Variants in TIMM44 observed in about 807,000 individuals in gnomAD.
TIMM44 encodes mitochondrial import inner membrane translocase subunit TIM44.
Under a neutral mutation model 63.8 loss-of-function variants are expected in TIMM44, and 37 were observed. The ratio of observed to expected loss-of-function variants is 0.58; its 90% confidence interval spans 0.45 to 0.76. TIMM44 has a LOEUF of 0.76. Ranked by LOEUF, TIMM44 falls within the 30% of genes least tolerant of loss-of-function variation. The probability of loss-of-function intolerance (pLI) is 0.00; values close to 1 mark genes in which losing one functional copy is unlikely to be tolerated. For synonymous variants in TIMM44, 239 were observed against 245.1 expected, an observed-to-expected ratio of 0.98 and a Z score of 0.23; for missense variants, 573 against 603.8, an observed-to-expected ratio of 0.95 and a Z score of 0.54.
intron 10 of TIMM44, among the ~76,000 whole-genome samples, chr19:7,929,856 T>C (rs1423457803): frequency 6.6e-6 from 1 of 152,184 alleles, no homozygotes; most frequent in East Asian, 1.9e-4. Flanking sequence ...TAAATTATTA[T>C]TTCTTTTTTT....
chr19:7,941,917 T>C (rs1028423053), intron 1 of TIMM44, among the ~76,000 whole-genome samples: 5 of 152,202 alleles, frequency 3.3e-5, no homozygotes, highest in African/African-American at 9.6e-5. Context: ...ACTGGATTTT[T>C]CAGACACAAA....
Position 7,934,167 on chromosome 19 carries a change from C to G in TIMM44, c.465G>C (p.Thr155=). ...ATACCGACTCGGCCGACTGCTTGGC[C>G]GTCTTGGCTGCTTCCTCCACGCCCT... ...IKEGVEEAAK[T]AKQSAESVSK... The change falls in exon 5 of 13, where the codon ACG becomes ACC. Residue 155 remains threonine, a synonymous_variant. Transcript: ENST00000270538. This position sits in a 1 kb window ranked among gnomAD's most constrained non-coding sequence, Gnocchi z 5.3. The G allele has an allele frequency of 6.2e-7, 1 of 1,613,622 alleles. No homozygotes were observed. Among genetic ancestry groups the G allele is most frequent in the Non-Finnish European group, 8.5e-7 (1 of 1,179,996 alleles).
intron 9 of TIMM44, chr19:7,932,363 C>T: frequency 1.9e-6 from 1 of 538,936 alleles, no homozygotes; most frequent in Non-Finnish European, 3.3e-6. Flanking sequence ...TCCCAGCAAC[C>T]TCAAAGGAAC....
intron 3 of TIMM44, among the ~76,000 whole-genome samples, chr19:7,935,544 C>G (rs1984128646): frequency 6.6e-6 from 1 of 152,226 alleles, no homozygotes; most frequent in African/African-American, 2.4e-5. Flanking sequence ...GAAGCATCTT[C>G]TCCGCAGCCC....
At position 7,933,952 on chromosome 19, in the gene TIMM44, C is replaced by T. The variant is rs199889523; in HGVS notation, c.595G>A (p.Gly199Arg). The change falls in exon 6 of 13, where the codon GGG becomes AGG. Residue 199 changes from glycine to arginine, a missense_variant. By Grantham distance (125) the Gly-to-Arg change is moderately radical. Coordinates refer to ENST00000270538, the MANE Select transcript of TIMM44 (RefSeq NM_006351.4). The surrounding 1 kb of genome is among the most constrained non-coding windows in gnomAD (Gnocchi z 4.3). ...AGTCGCTGGGGCCTCCGGTAGGGCC[C>T]GGTCTGTCCCAGGACGCTGTCGTCA... ...EIDDSVLGQT[G>R]PYRRPQRLRK... The T allele has an allele frequency of 8.7e-6, 14 of 1,614,168 alleles. No homozygotes were observed. The Admixed American group carries it at 1.7e-4, about 19-fold the overall frequency.
intron 10 of TIMM44, among the ~76,000 whole-genome samples, chr19:7,929,623 C>T (rs937148113): frequency 1.3e-5 from 2 of 152,150 alleles, no homozygotes; most frequent in Admixed American, 1.3e-4. Context: ...GGGAGGTGAG[C>T]ACAGGGACTC....
At chr19:7,930,471 GCTAA>G (rs1290211888) in intron 10 of TIMM44, among the ~76,000 whole-genome samples, 2 of 151,768 alleles carry the variant, frequency 1.3e-5, no homozygotes, top group Non-Finnish European at 2.9e-5. Context: ...AGCATGCCTG[GCTAA>G]CTTTTTATTT....
At chr19:7,931,066 C>T (rs565820774) in intron 10 of TIMM44, 72 bp downstream of exon 10, 51 of 1,480,172 alleles carry the variant, frequency 3.4e-5, no homozygotes, top group South Asian at 2.5e-4. Context: ...ACGGAGCCAC[C>T]GAAGTGGAAC....
chr19:7,935,167 C>CT (rs753419157), intron 3 of TIMM44, 22 bp from the exon 4 acceptor site: 109,178 of 1,227,346 alleles, frequency 0.089, 199 homozygotes, highest in Non-Finnish European at 0.098. Context: ...GCGCTGTGTC[C>CT]TTTTTTTTTT....
rs1984079278 is a variant in TIMM44 at position 7,934,333 on chromosome 19, G to T, written c.394-95C>A. The stretch of plus-strand genomic sequence containing the variant: ...TGAATTCCTGCCGGAGAGAAGGGCG[G>T]ATCTGGTTCCCCGAGGCCGGCAGAG... On this transcript the variant is annotated intron_variant, in intron 4 of 12. Coordinates refer to ENST00000270538, the MANE Select transcript of TIMM44 (RefSeq NM_006351.4). This position sits in a 1 kb window ranked among gnomAD's most constrained non-coding sequence, Gnocchi z 5.3. 1 of 1,538,870 alleles carries T rather than the reference G, an allele frequency of 6.5e-7. No individual in the cohort carries two copies. Among genetic ancestry groups the T allele is most frequent in the Non-Finnish European group, 8.9e-7 (1 of 1,126,606 alleles).
Position 7,933,869 on chromosome 19 carries a change from T to A in TIMM44, c.678A>T (p.Pro226=), listed in dbSNP as rs764573878. 6.2e-6 allele frequency: 10 copies of A among 1,614,036 alleles called. No homozygotes were observed. The African/African-American group carries it at 1.3e-4, about 22-fold the overall frequency. ...GGCCACGGGCTGGTACCTACTCGTT[T>A]GGCTCAAACACTTTCTCCTCCTTGA... ...DKFKEEKVFE[P]NEEALGVVLH... Residue 226 remains proline (P), a synonymous_variant, in exon 6 of 13, where the codon CCA becomes CCT. Coordinates refer to ENST00000270538, the MANE Select transcript of TIMM44 (RefSeq NM_006351.4). This position sits in a 1 kb window ranked among gnomAD's most constrained non-coding sequence, Gnocchi z 4.3.
At chr19:7,937,490 T>C (rs975713563) in intron 3 of TIMM44, among the ~76,000 whole-genome samples, 1 of 152,196 alleles carries the variant, frequency 6.6e-6, no homozygotes, top group Admixed American at 6.5e-5. Flanking sequence ...CCACTGCTGC[T>C]GGTCTGGGGA....
chr19:7,927,512 C>A, intron 12 of TIMM44, 145 bp downstream of exon 12: 1 of 1,071,270 alleles, frequency 9.3e-7, no homozygotes, highest in South Asian at 1.3e-5. Context: ...CCCTCAACCC[C>A]AAACTCTGGC....
Position 7,934,384 on chromosome 19 carries a change from G to T in TIMM44, c.394-146C>A, listed in dbSNP as rs1984081271. On this transcript the variant is annotated intron_variant, in intron 4 of 12. Coordinates refer to ENST00000270538, the MANE Select transcript of TIMM44 (RefSeq NM_006351.4). The surrounding 1 kb of genome is among the most constrained non-coding windows in gnomAD (Gnocchi z 5.3). ...GCCTTCTGTGCTCCTGTGGTACGCG[G>T]CACCCCCAGAGCCATGAGCACAACG... 3.7e-6 allele frequency: 4 copies of T among 1,082,964 alleles called. No homozygotes were observed. In the Admixed American group the frequency reaches 5.9e-5, roughly 16 times the overall value. The allele number at this position is 1,082,964 out of a possible 1,614,324, so 67.1% of individuals were successfully genotyped here.
At chr19:7,935,659 C>T (rs1422286134) in intron 3 of TIMM44, among the ~76,000 whole-genome samples, 1 of 152,170 alleles carries the variant, frequency 6.6e-6, no homozygotes, top group African/African-American at 2.4e-5. Context: ...CTCAGAAGGC[C>T]GGCAGACTCG....
At chr19:7,939,496 C>A (rs1352807122) in intron 2 of TIMM44, among the ~76,000 whole-genome samples, 1 of 151,768 alleles carries the variant, frequency 6.6e-6, no homozygotes, top group African/African-American at 2.4e-5. Flanking sequence ...GCCTGTAATG[C>A]CAGCTACTCA....
rs1317793393 is a variant in TIMM44 at position 7,933,878 on chromosome 19, CA to C, written c.668del (p.Val223GlyfsTer39). 1 of 1,614,174 alleles carries C rather than the reference CA, an allele frequency of 6.2e-7. No homozygotes were observed. Among genetic ancestry groups the C allele is most frequent in the Non-Finnish European group, 8.5e-7 (1 of 1,180,038 alleles). On this transcript the variant is annotated frameshift_variant, in exon 6 of 13. Transcript: ENST00000270538. LOFTEE classifies it high-confidence loss of function. This position sits in a 1 kb window ranked among gnomAD's most constrained non-coding sequence, Gnocchi z 4.3. ...FAGDKFKEEK[V>X]FEPNEEALGV... ...CTGGTACCTACTCGTTTGGCTCAAACACTTTCTCCTCCTTGAACTTATCTCC... is the reference window on the plus strand; with the variant it reads ...CTGGTACCTACTCGTTTGGCTCAAACCTTTCTCCTCCTTGAACTTATCTCC...
Position 7,933,061 on chromosome 19 carries a change from C to A in TIMM44, c.770-129G>T. The stretch of plus-strand genomic sequence containing the variant: ...GACACGGGTGGGGTCAGGGAGGGGA[C>A]GGCTGTGGACCTGCATCCTCATCTG... On this transcript the variant is annotated intron_variant, in intron 7 of 12. Transcript: ENST00000270538. The surrounding 1 kb of genome is among the most constrained non-coding windows in gnomAD (Gnocchi z 4.3). The A allele has an allele frequency of 1.3e-6, 1 of 765,516 alleles. No homozygotes were observed. The highest frequency in any genetic ancestry group is 1.5e-5 in the South Asian group (1 of 68,354). The allele number at this position is 765,516 out of a possible 1,614,324, so 47.4% of individuals were successfully genotyped here. A position where few individuals can be genotyped will look rare whatever the true frequency, so the allele number is the denominator to read the frequency against.
chr19:7,934,387 C>T lies in TIMM44; in HGVS notation c.394-149G>A. 9.6e-7 allele frequency: 1 copy of T among 1,045,614 alleles called. No individual in the cohort carries two copies. The highest frequency in any genetic ancestry group is 2.5e-5 in the East Asian group (1 of 40,416). 64.8% of individuals were successfully genotyped at this position (1,045,614 alleles called of 1,614,324 possible). A position where few individuals can be genotyped will look rare whatever the true frequency, so the allele number is the denominator to read the frequency against. ...TTCTGTGCTCCTGTGGTACGCGGCACCCCCAGAGCCATGAGCACAACGGCA... is the reference window on the plus strand; with the variant it reads ...TTCTGTGCTCCTGTGGTACGCGGCATCCCCAGAGCCATGAGCACAACGGCA... On this transcript the variant is annotated intron_variant, in intron 4 of 12. Coordinates refer to ENST00000270538, the MANE Select transcript of TIMM44 (RefSeq NM_006351.4). This position sits in a 1 kb window ranked among gnomAD's most constrained non-coding sequence, Gnocchi z 5.3.
Sources: gnomAD v4.1 joint callset for allele counts (sites outside exome capture counted in the v4.1 genomes callset) on GRCh38, gnomAD v4.1.1 for gene constraint, Gnocchi (gnomAD v3.1) non-coding constraint, MANE v1.5 for transcripts, NCBI Gene and HGNC (gene_info 2026-07-23, HGNC 2026-07-21) for gene names.